The following ZDHHC14 variants were observed in gnomAD, a reference collection of about 807,000 sequenced individuals.
The protein encoded by ZDHHC14 is zDHHC palmitoyltransferase 14.
In ZDHHC14, 16 loss-of-function variants were observed where a neutral mutation model predicts 47.7. The observed-to-expected ratio is 0.34, with a 90% CI of 0.23 to 0.51. The LOEUF (loss-of-function observed/expected upper bound fraction) is 0.51. Ranked by LOEUF, ZDHHC14 falls within the 20% of genes least tolerant of loss-of-function variation. ZDHHC14 has a pLI of 0.97. For synonymous variants in ZDHHC14, 293 were observed against 278.9 expected, an observed-to-expected ratio of 1.05 and a Z score of -0.50; for missense variants, 515 against 662.5, an observed-to-expected ratio of 0.78 and a Z score of 2.44.
intron 3 of ZDHHC14, among the ~76,000 whole-genome samples, chr6:157,611,299 C>T (rs1784741327): frequency 6.6e-6 from 1 of 152,048 alleles, no homozygotes; most frequent in East Asian, 1.9e-4. Context: ...CGCGCCTGGC[C>T]AATATGTGTA....
chr6:157,407,420 T>A (rs1777786275), intron 1 of ZDHHC14, among the ~76,000 whole-genome samples: 1 of 152,190 alleles, frequency 6.6e-6, no homozygotes, highest in Non-Finnish European at 1.5e-5. Flanking sequence ...TGTTTTATAC[T>A]CTTCTTAAAT....
chr6:157,409,015 G>A (rs1002894641), intron 1 of ZDHHC14, among the ~76,000 whole-genome samples: 8 of 152,182 alleles, frequency 5.3e-5, no homozygotes, highest in Non-Finnish European at 1.0e-4. Context: ...AAAAGAAGGA[G>A]GGGCAAGAGG....
At position 157,502,078 on chromosome 6, in the gene ZDHHC14, G is replaced by A. The variant is rs1780206351; in HGVS notation, c.246-40507G>A. ...ATAATCCACCCAACAGTCTTGAAGT[G>A]TTCTTCTTGCTGCAATTGAGAAGTT... On this transcript the variant is annotated intron_variant, in intron 1 of 8. Transcript: ENST00000359775. This position sits in a 1 kb window ranked among gnomAD's most constrained non-coding sequence, Gnocchi z 4.0. Among the ~76,000 whole-genome samples, 2 of 152,142 alleles carry A rather than the reference G, an allele frequency of 1.3e-5. No individual in the cohort carries two copies. The highest frequency in any genetic ancestry group is 2.9e-5 in the Non-Finnish European group (2 of 68,032).
chr6:157,554,148 CT>C (rs1171567290), intron 2 of ZDHHC14, among the ~76,000 whole-genome samples: 2 of 152,220 alleles, frequency 1.3e-5, no homozygotes, highest in Non-Finnish European at 2.9e-5. Context: ...GGAGCGTCCA[CT>C]TTTTAAAAAT....
At chr6:157,452,300 A>G (rs1778821664) in intron 1 of ZDHHC14, among the ~76,000 whole-genome samples, 1 of 151,326 alleles carries the variant, frequency 6.6e-6, no homozygotes, top group South Asian at 2.1e-4. Context: ...TTGTCCATGT[A>G]CCACTTAAAT....
At chr6:157,641,898 G>A (rs1777267949) in intron 5 of ZDHHC14, among the ~76,000 whole-genome samples, 1 of 152,096 alleles carries the variant, frequency 6.6e-6, no homozygotes, top group Non-Finnish European at 1.5e-5. Flanking sequence ...GTTTAATGAA[G>A]TGTCCCAACT....
intron 1 of ZDHHC14, among the ~76,000 whole-genome samples, chr6:157,410,064 C>G (rs541660804): frequency 6.6e-6 from 1 of 152,218 alleles, no homozygotes; most frequent in Admixed American, 6.5e-5. Context: ...CTCCTGGCCT[C>G]AAGTGATCTG....
chr6:157,409,582 G>A (rs1178417970), intron 1 of ZDHHC14, among the ~76,000 whole-genome samples: 1 of 152,240 alleles, frequency 6.6e-6, no homozygotes, highest in East Asian at 1.9e-4. Context: ...CTTGAGTAAA[G>A]TAGGGAACAT....
chr6:157,595,151 T>C (rs1784069940), intron 3 of ZDHHC14, among the ~76,000 whole-genome samples: 1 of 149,712 alleles, frequency 6.7e-6, no homozygotes, highest in African/African-American at 2.4e-5. Flanking sequence ...TCATTTATCC[T>C]CTGTTTCTTG....
intron 1 of ZDHHC14, among the ~76,000 whole-genome samples, chr6:157,383,900 C>T (rs1777263091): frequency 1.3e-5 from 2 of 152,136 alleles, no homozygotes; most frequent in African/African-American, 4.8e-5. Flanking sequence ...AGCCTCTTGT[C>T]CTTACAGACC....
At chr6:157,621,343 A>T (rs1265307010) in intron 3 of ZDHHC14, among the ~76,000 whole-genome samples, 1 of 151,982 alleles carries the variant, frequency 6.6e-6, no homozygotes, top group East Asian at 1.9e-4. Context: ...TTTTGGAGGT[A>T]AAAAAGCCCT....
chr6:157,642,593 G>A (rs1327525966), intron 5 of ZDHHC14, among the ~76,000 whole-genome samples: 3 of 152,176 alleles, frequency 2.0e-5, no homozygotes, highest in South Asian at 4.1e-4. Context: ...GGTTGTGGGG[G>A]AGACAGAGGT....
intron 1 of ZDHHC14, among the ~76,000 whole-genome samples, chr6:157,402,209 C>A (rs1777655864): frequency 6.6e-6 from 1 of 151,882 alleles, no homozygotes; most frequent in Non-Finnish European, 1.5e-5. Context: ...AGATGCGCAT[C>A]TGCTGAGGTC....
intron 1 of ZDHHC14, among the ~76,000 whole-genome samples, chr6:157,426,722 G>T (rs1046490105): frequency 6.6e-6 from 1 of 152,194 alleles, no homozygotes; most frequent in Non-Finnish European, 1.5e-5. Flanking sequence ...GAACAGAAAG[G>T]ATGGGGAGCT....
At chr6:157,520,429 T>A (rs1355709347) in intron 1 of ZDHHC14, among the ~76,000 whole-genome samples, 2 of 152,228 alleles carry the variant, frequency 1.3e-5, no homozygotes, top group African/African-American at 4.8e-5. Context: ...AATTTGAGAC[T>A]GGTGTTTCCA....
chr6:157,518,178 T>A (rs1479331113), intron 1 of ZDHHC14, among the ~76,000 whole-genome samples: 1 of 152,162 alleles, frequency 6.6e-6, no homozygotes, highest in Non-Finnish European at 1.5e-5. Flanking sequence ...CAGTTGCTTT[T>A]CTTTCTTTTT....
intron 1 of ZDHHC14, among the ~76,000 whole-genome samples, chr6:157,385,404 A>G (rs1325635586): frequency 2.0e-5 from 3 of 152,260 alleles, no homozygotes; most frequent in African/African-American, 7.2e-5. Flanking sequence ...ATAGCTTTTA[A>G]TATTAGTAAA....
chr6:157,505,496 T>A (rs2114742990), intron 1 of ZDHHC14, among the ~76,000 whole-genome samples: 1 of 152,150 alleles, frequency 6.6e-6, no homozygotes, highest in African/African-American at 2.4e-5. Context: ...ACTCACTGAG[T>A]TCTTAAGAAA....
At chr6:157,663,957 AAAC>A (rs1778447136) in intron 8 of ZDHHC14, among the ~76,000 whole-genome samples, 1 of 152,212 alleles carries the variant, frequency 6.6e-6, no homozygotes, top group South Asian at 2.1e-4. Flanking sequence ...TTTCTAACAG[AAAC>A]GTCCTAATTT....
Sources: allele counts gnomAD v4.1 joint callset (sites outside exome capture counted in the v4.1 genomes callset), GRCh38; gene constraint gnomAD v4.1.1; non-coding constraint Gnocchi (gnomAD v3.1); transcripts MANE v1.5; gene names NCBI Gene and HGNC (gene_info 2026-07-23, HGNC 2026-07-21).